SAMMSON: variants seen among roughly 807,000 people sequenced by gnomAD.
The protein encoded by SAMMSON is long intergenic non-protein coding RNA 1212.
chr3:70,269,556 G>A lies in SAMMSON; in HGVS notation n.674+19886G>A, dbSNP rs116158260. Among the ~76,000 whole-genome samples, 817 of 152,198 alleles carry A rather than the reference G, an allele frequency of 5.4e-3. 8 individuals are homozygous for A. Among genetic ancestry groups the A allele is most frequent in the African/African-American group, 0.019 (788 of 41,538 alleles). The stretch of plus-strand genomic sequence containing the variant: ...TAAATATTTTTTGACCACGTAGCAG[G>A]GTTGGAGTCTCTCTGAACCAATTTT... On this transcript the variant is annotated intron_variant and non_coding_transcript_variant, in intron 6 of 9. Coordinates refer to ENST00000642114, the Ensembl canonical transcript of SAMMSON.
At chr3:70,081,708 T>C (rs2106641418) in intron 4 of SAMMSON, among the ~76,000 whole-genome samples, 1 of 152,342 alleles carries the variant, frequency 6.6e-6, no homozygotes, top group African/African-American at 2.4e-5. Context: ...CTGGCACATG[T>C]TTCACTGGCA....
At chr3:70,093,562 T>C (rs1250448455) in intron 4 of SAMMSON, among the ~76,000 whole-genome samples, 3 of 152,202 alleles carry the variant, frequency 2.0e-5, no homozygotes, top group Admixed American at 6.5e-5. Context: ...TAATTTCTTA[T>C]TTACATGGTG....
chr3:70,217,604 T>C (rs1027558583), intron 4 of SAMMSON, among the ~76,000 whole-genome samples: 1 of 152,140 alleles, frequency 6.6e-6, no homozygotes, highest in African/African-American at 2.4e-5. Flanking sequence ...AAAACAGTTT[T>C]TCACTGTAAG....
chr3:70,229,808 A>T (rs1188780526), intron 4 of SAMMSON, among the ~76,000 whole-genome samples: 1 of 152,136 alleles, frequency 6.6e-6, no homozygotes, highest in Non-Finnish European at 1.5e-5. Flanking sequence ...ACTTTTATTA[A>T]ATTTGGATAC....
chr3:70,335,213 C>T (rs1023342906), intron 7 of SAMMSON, among the ~76,000 whole-genome samples: 2 of 152,006 alleles, frequency 1.3e-5, no homozygotes, highest in East Asian at 1.9e-4. Flanking sequence ...CATCTCCAAA[C>T]GCATTGCAAA....
chr3:70,089,515 G>A (rs2067297876), intron 4 of SAMMSON, among the ~76,000 whole-genome samples: 3 of 141,740 alleles, frequency 2.1e-5, no homozygotes, highest in Admixed American at 7.4e-5. Flanking sequence ...TGATAACATC[G>A]TGCATTTTTT....
intron 7 of SAMMSON, among the ~76,000 whole-genome samples, chr3:70,329,371 T>C (rs1213467968): frequency 6.6e-6 from 1 of 152,136 alleles, no homozygotes; most frequent in East Asian, 1.9e-4. Flanking sequence ...TTACATTTCA[T>C]TTTTCAAAAC....
intron 4 of SAMMSON, among the ~76,000 whole-genome samples, chr3:70,083,779 T>C (rs1327514977): frequency 6.6e-6 from 1 of 152,178 alleles, no homozygotes; most frequent in Non-Finnish European, 1.5e-5. Flanking sequence ...TTCTGACCTC[T>C]TATTATGATC....
intron 2 of SAMMSON, among the ~76,000 whole-genome samples, chr3:70,397,331 G>A (rs536941901): frequency 6.6e-6 from 1 of 152,014 alleles, no homozygotes; most frequent in East Asian, 1.9e-4. Context: ...TTGGGACGGG[G>A]TCTCACTTCA....
At chr3:70,263,087 T>G (rs188627965) in intron 6 of SAMMSON, among the ~76,000 whole-genome samples, 1 of 152,316 alleles carries the variant, frequency 6.6e-6, no homozygotes, top group East Asian at 1.9e-4. Flanking sequence ...TTCCTCTATA[T>G]CTTTGAGCAT....
intron 4 of SAMMSON, among the ~76,000 whole-genome samples, chr3:70,110,480 TG>T (rs2067384309): frequency 1.3e-5 from 2 of 152,168 alleles, no homozygotes; most frequent in South Asian, 4.1e-4. Context: ...GTAGAAATAA[TG>T]CAGCTGGTCC....
intron 4 of SAMMSON, chr3:70,125,730 T>C (rs775351398): frequency 1.5e-5 from 10 of 678,718 alleles, no homozygotes; most frequent in Non-Finnish European, 2.7e-5. Context: ...AACTGTTTTG[T>C]GAAGGACACG....
At chr3:70,279,300 T>C (rs563188637) in intron 6 of SAMMSON, among the ~76,000 whole-genome samples, 2 of 152,012 alleles carry the variant, frequency 1.3e-5, no homozygotes, top group Non-Finnish European at 2.9e-5. Flanking sequence ...ATCAAACAAA[T>C]CATCCTTGAA....
chr3:70,044,599 C>T (rs574647350), intron 3 of SAMMSON, among the ~76,000 whole-genome samples: 31 of 151,974 alleles, frequency 2.0e-4, no homozygotes, highest in African/African-American at 7.2e-4. Flanking sequence ...AGTGAAGATA[C>T]GGATTGGTGT....
At chr3:70,403,174 G>A (rs1356852164) in intron 2 of SAMMSON, among the ~76,000 whole-genome samples, 1 of 152,158 alleles carries the variant, frequency 6.6e-6, no homozygotes, top group African/African-American at 2.4e-5. Flanking sequence ...GTCTTAAAGA[G>A]TTTGTGTGCC....
Position 70,160,912 on chromosome 3 carries a change from C to T in SAMMSON, n.508-88195C>T, listed in dbSNP as rs558100135. Reference sequence around the variant, plus strand: ...GAAGTCTATAATTTTAAATTTTATTCCTAAATATCTTATTCTTTTTGATGC... The same window carrying T: ...GAAGTCTATAATTTTAAATTTTATTTCTAAATATCTTATTCTTTTTGATGC... On this transcript the variant is annotated intron_variant and non_coding_transcript_variant, in intron 4 of 9. Coordinates refer to ENST00000642114, the Ensembl canonical transcript of SAMMSON. Among the ~76,000 whole-genome samples the T allele has an allele frequency of 5.3e-5, 8 of 151,984 alleles. No individual in the cohort carries two copies. In the South Asian group the frequency reaches 1.7e-3, roughly 32 times the overall value.
chr3:70,377,458 G>GGAC (rs1703027350), intron 9 of SAMMSON, among the ~76,000 whole-genome samples: 1 of 151,874 alleles, frequency 6.6e-6, no homozygotes, highest in Admixed American at 6.6e-5. Context: ...CAGCAATTTT[G>GGAC]GACACCCCAC....
At chr3:70,125,406 C>A (rs2067452719) in intron 4 of SAMMSON, 1 of 1,310,748 alleles carries the variant, frequency 7.6e-7, no homozygotes. Context: ...GAAAGTGTTT[C>A]CATTTCTTCT....
intron 7 of SAMMSON, among the ~76,000 whole-genome samples, chr3:70,298,420 T>C (rs570670656): frequency 1.3e-5 from 2 of 152,254 alleles, no homozygotes; most frequent in Admixed American, 6.5e-5. Context: ...TTAATCCTTA[T>C]AATTTGTTTG....
Sources: gnomAD v4.1 joint callset for allele counts (sites outside exome capture counted in the v4.1 genomes callset) on GRCh38, gnomAD v4.1.1 for gene constraint, MANE v1.5 for transcripts, NCBI Gene and HGNC (gene_info 2026-07-23, HGNC 2026-07-21) for gene names.